The following CTNNA3 variants were observed in gnomAD, a reference collection of about 807,000 sequenced individuals.
CTNNA3 encodes catenin alpha-3.
A neutral mutation model predicts 95.7 loss-of-function variants in CTNNA3; 76 were observed. The ratio of observed to expected loss-of-function variants is 0.79; its 90% CI spans 0.66 to 0.96. The LOEUF (loss-of-function observed/expected upper bound fraction) is 0.96. Among genes scored for constraint, CTNNA3 ranks in the 40% least tolerant of loss-of-function variants. The probability of loss-of-function intolerance (pLI) is 0.00; values close to 1 mark genes in which losing one functional copy is unlikely to be tolerated. For missense variants in CTNNA3, 1,191 were observed against 1,089.8 expected (o/e 1.09, Z -1.31); for synonymous variants, 431 against 374.4 (o/e 1.15, Z -1.74).
At chr10:66,097,373 A>G (rs2081437776) in intron 14 of CTNNA3, among the ~76,000 whole-genome samples, 1 of 152,176 alleles carries the variant, frequency 6.6e-6, no homozygotes, top group Non-Finnish European at 1.5e-5. Flanking sequence ...TCATTTTATA[A>G]AAATCAAAAT....
intron 15 of CTNNA3, among the ~76,000 whole-genome samples, chr10:66,058,828 T>A (rs1291390900): frequency 6.6e-6 from 1 of 152,150 alleles, no homozygotes; most frequent in African/African-American, 2.4e-5. Context: ...GGCTGTGATA[T>A]TAAGTAACAG....
chr10:66,641,941 C>T (rs1308564697), intron 9 of CTNNA3, among the ~76,000 whole-genome samples: 1 of 152,062 alleles, frequency 6.6e-6, no homozygotes, highest in Non-Finnish European at 1.5e-5. Flanking sequence ...ATTATGAATA[C>T]AACCATAAAA....
At chr10:67,350,193 G>A (rs1470133001) in intron 5 of CTNNA3, among the ~76,000 whole-genome samples, 3 of 152,028 alleles carry the variant, frequency 2.0e-5, no homozygotes, top group Non-Finnish European at 4.4e-5. Context: ...GCAGAGCTGA[G>A]AATAAAACCA....
At position 66,846,394 on chromosome 10, in the gene CTNNA3, G is replaced by A. The variant is rs148628818; in HGVS notation, c.1048-70870C>T. On this transcript the variant is annotated intron_variant, in intron 7 of 17. Coordinates refer to ENST00000433211, the MANE Select transcript of CTNNA3 (RefSeq NM_013266.4). ...AAGTTTTGGAGATCTAATGTATAGC[G>A]TGGTGACTATAGTTAATAATAACAT... 3.0e-3 allele frequency among the ~76,000 whole-genome samples: 457 copies of A among 152,082 alleles called. 2 individuals carry two copies. The highest frequency in any genetic ancestry group is 6.5e-3 in the African/African-American group (268 of 41,494).
chr10:66,578,367 G>A (rs1843072361), intron 10 of CTNNA3, among the ~76,000 whole-genome samples: 1 of 151,920 alleles, frequency 6.6e-6, no homozygotes, highest in African/African-American at 2.4e-5. Flanking sequence ...AATAGGAATG[G>A]TGAGTGTGGG....
chr10:67,196,018 T>C (rs771134253), intron 6 of CTNNA3, among the ~76,000 whole-genome samples: 4 of 152,008 alleles, frequency 2.6e-5, no homozygotes, highest in Non-Finnish European at 5.9e-5. Context: ...ATGCTTCACG[T>C]TGAGAGCAGC....
intron 17 of CTNNA3, among the ~76,000 whole-genome samples, chr10:65,958,687 A>G (rs2133232353): frequency 6.6e-6 from 1 of 152,292 alleles, no homozygotes; most frequent in South Asian, 2.1e-4. Context: ...GGATATCACC[A>G]GAGGAGGCTG....
intron 12 of CTNNA3, among the ~76,000 whole-genome samples, chr10:66,366,373 G>T (rs1038542765): frequency 4.6e-5 from 7 of 152,148 alleles, no homozygotes; most frequent in African/African-American, 1.7e-4. Context: ...CAGCAATTCT[G>T]ACTGCACAAA....
Position 66,899,597 on chromosome 10 carries a change from A to G in CTNNA3, c.1048-124073T>C, listed in dbSNP as rs569019441. ...GGTTCGGAGGATTTCCCTTTTCTAG[A>G]CAAGGGAAGCCATGACAGACTGTAC... On this transcript the variant is annotated intron_variant, in intron 7 of 17. Coordinates refer to ENST00000433211, the MANE Select transcript of CTNNA3 (RefSeq NM_013266.4). Among the ~76,000 whole-genome samples the G allele has an allele frequency of 7.2e-4, 109 of 152,182 alleles. 2 individuals carry two copies. The highest frequency in any genetic ancestry group is 2.5e-3 in the African/African-American group (105 of 41,518).
intron 6 of CTNNA3, among the ~76,000 whole-genome samples, chr10:67,210,648 ATT>A (rs1864102775): frequency 6.6e-6 from 1 of 151,590 alleles, no homozygotes; most frequent in Admixed American, 6.6e-5. Flanking sequence ...TTTTGGATCC[ATT>A]TTTCCATAGC....
intron 7 of CTNNA3, among the ~76,000 whole-genome samples, chr10:67,169,481 T>G (rs10997544): frequency 0.075 from 11,468 of 152,162 alleles, 629 homozygotes; most frequent in African/African-American, 0.15. Flanking sequence ...GCCACACATC[T>G]GCGACCATCT....
rs887364329 is a variant in CTNNA3, at chr10:67,638,141, T to C, written c.99+9274A>G. On this transcript the variant is annotated intron_variant, in intron 2 of 17. Transcript: ENST00000433211. ...CCCATCTCACGTGCAGAGACACACA[T>C]AGGCTCAAAATAAAGGGATGGAGGA... is the stretch of plus-strand genomic sequence containing the variant. 3.9e-5 allele frequency among the ~76,000 whole-genome samples: 6 copies of C among 152,206 alleles called. No homozygotes were observed. In the South Asian group the frequency reaches 1.0e-3, roughly 26 times the overall value.
At chr10:66,176,176 G>A (rs891147326) in intron 13 of CTNNA3, among the ~76,000 whole-genome samples, 4 of 152,204 alleles carry the variant, frequency 2.6e-5, no homozygotes, top group Non-Finnish European at 5.9e-5. Flanking sequence ...ACACACATAC[G>A]TGTGCGCACA....
chr10:66,165,639 C>T (rs910526333), intron 13 of CTNNA3, among the ~76,000 whole-genome samples: 2 of 151,806 alleles, frequency 1.3e-5, no homozygotes, highest in African/African-American at 2.4e-5. Context: ...TATTTATTTA[C>T]AAAGAGAAGG....
chr10:67,375,819 T>G (rs1843666200), intron 5 of CTNNA3, among the ~76,000 whole-genome samples: 1 of 152,078 alleles, frequency 6.6e-6, no homozygotes, highest in South Asian at 2.1e-4. Context: ...GAAAACAAAT[T>G]CATAAGGGTG....
rs370781010 is a variant in CTNNA3 at position 66,182,541 on chromosome 10, C to T, written c.1885-79292G>A. ...AAGTGCTGGGATTACAGGCGTGAGC[C>T]ACCGCGCCCGGCCGGATACATTTAT... On this transcript the variant is annotated intron_variant, in intron 13 of 17. Coordinates refer to ENST00000433211, the MANE Select transcript of CTNNA3 (RefSeq NM_013266.4). Among the ~76,000 whole-genome samples, 36 of 152,218 alleles carry T rather than the reference C, an allele frequency of 2.4e-4. 1 individual carries two copies. In the East Asian group the frequency reaches 5.6e-3, roughly 24 times the overall value.
chr10:65,991,468 G>A (rs1034243330), intron 15 of CTNNA3, among the ~76,000 whole-genome samples: 51 of 151,356 alleles, frequency 3.4e-4, no homozygotes, highest in Admixed American at 8.6e-4. Context: ...TGTTTGTAGA[G>A]GTTGGTTCTT....
intron 11 of CTNNA3, among the ~76,000 whole-genome samples, chr10:66,513,670 C>T (rs1156347171): frequency 6.6e-6 from 1 of 152,168 alleles, no homozygotes; most frequent in Admixed American, 6.5e-5. Context: ...GTGTTCATGG[C>T]AGTAGGTCAC....
intron 17 of CTNNA3, among the ~76,000 whole-genome samples, chr10:65,923,730 C>T (rs1324680103): frequency 4.6e-5 from 7 of 152,030 alleles, no homozygotes; most frequent in Non-Finnish European, 8.8e-5. Flanking sequence ...TGTCAATGTT[C>T]CGTTAGAATG....
Sources: allele counts gnomAD v4.1 joint callset (sites outside exome capture counted in the v4.1 genomes callset), GRCh38; gene constraint gnomAD v4.1.1; transcripts MANE v1.5; gene names NCBI Gene and HGNC (gene_info 2026-07-23, HGNC 2026-07-21).